The following APBB1IP variants were observed in gnomAD, a reference collection of about 807,000 sequenced individuals.
APBB1IP encodes the protein amyloid beta precursor protein binding family B member 1 interacting protein, also known as amyloid beta A4 precursor protein-binding family B member 1-interacting protein.
Under a neutral mutation model 64.9 loss-of-function variants are expected in APBB1IP, and 27 were observed. The observed-to-expected ratio is 0.42, with a 90% CI of 0.31 to 0.57. APBB1IP has a LOEUF of 0.57. APBB1IP is among the 20% of genes least tolerant of loss of function. The pLI, the probability that APBB1IP is intolerant of heterozygous loss-of-function variation, is 0.20. For missense variants in APBB1IP, 812 were observed against 845.5 expected (o/e 0.96, Z 0.49); for synonymous variants, 392 against 331.0 (o/e 1.18, Z -2.00).
At chr10:26,476,383 G>A (rs1367915725) in intron 2 of APBB1IP, among the ~76,000 whole-genome samples, 1 of 142,576 alleles carries the variant, frequency 7.0e-6, no homozygotes, top group Non-Finnish European at 1.5e-5. Flanking sequence ...GGAGTTCAAG[G>A]CTGCAGTGAG....
intron 9 of APBB1IP, among the ~76,000 whole-genome samples, chr10:26,534,169 C>T (rs1836590003): frequency 6.6e-6 from 1 of 151,610 alleles, no homozygotes; most frequent in African/African-American, 2.4e-5. Context: ...TGTTAAAAAT[C>T]AAGGCTCTGA....
At chr10:26,535,088 A>T (rs1005768797) in intron 9 of APBB1IP, among the ~76,000 whole-genome samples, 1 of 152,128 alleles carries the variant, frequency 6.6e-6, no homozygotes, top group Non-Finnish European at 1.5e-5. Context: ...TGACTATTTG[A>T]ATTGTAAAAT....
At chr10:26,467,010 C>T (rs1004842664) in intron 2 of APBB1IP, among the ~76,000 whole-genome samples, 2 of 151,720 alleles carry the variant, frequency 1.3e-5, no homozygotes, top group Non-Finnish European at 2.9e-5. Context: ...TAATACATAG[C>T]TTAACACCAG....
chr10:26,547,184 T>C (rs185301388), intron 11 of APBB1IP, among the ~76,000 whole-genome samples: 3 of 152,354 alleles, frequency 2.0e-5, no homozygotes, highest in Non-Finnish European at 4.4e-5. Context: ...ATTGGCCCTG[T>C]GTATGTCTTC....
At chr10:26,560,320 A>G in intron 12 of APBB1IP, 117 bp downstream of exon 12, 1 of 933,944 alleles carries the variant, frequency 1.1e-6, no homozygotes, top group East Asian at 2.4e-5. Flanking sequence ...AGCCACAGAC[A>G]TTATCAGGTT....
chr10:26,510,229 A>C (rs1836235520), intron 6 of APBB1IP, among the ~76,000 whole-genome samples: 1 of 152,156 alleles, frequency 6.6e-6, no homozygotes, highest in South Asian at 2.1e-4. Flanking sequence ...CGGCCTCCCA[A>C]AGTGCTGGGA....
At chr10:26,534,224 G>A (rs1836590870) in intron 9 of APBB1IP, among the ~76,000 whole-genome samples, 1 of 147,520 alleles carries the variant, frequency 6.8e-6, no homozygotes, top group African/African-American at 2.5e-5. Flanking sequence ...TACTCAGGAA[G>A]CTGAGGTGGG....
intron 2 of APBB1IP, among the ~76,000 whole-genome samples, chr10:26,477,111 T>C (rs529032163): frequency 6.6e-6 from 1 of 152,274 alleles, no homozygotes; most frequent in East Asian, 1.9e-4. Context: ...CTACTTTTCT[T>C]CCCAGACCAG....
In APBB1IP at chr10:26,567,488, G is replaced by A. The variant is rs2132490038; in HGVS notation, c.2001G>A (p.Ter667=). The part of the protein sequence containing the change: ...ALQKKRGNVS[*] The stretch of plus-strand genomic sequence containing the variant: ...AAAAGAAGAGAGGCAACGTGTCCTA[G>A]GGACGGGCATGATGAGTGTTCCAGA... The change falls in exon 15 of 15, where the codon TAG becomes TAA. Residue 667 remains the stop codon, a stop_retained_variant. Transcript: ENST00000376236. The A allele has an allele frequency of 1.3e-6, 2 of 1,568,538 alleles. No homozygotes were observed. The highest frequency in any genetic ancestry group is 2.4e-5 in the East Asian group (1 of 41,852).
rs746487177 is a variant in APBB1IP, at chr10:26,560,906, A to G, written c.1369+62A>G. 212 of 1,240,658 alleles carry G rather than the reference A, an allele frequency of 1.7e-4. 1 individual carries two copies. The highest frequency in any genetic ancestry group is 4.0e-4 in the Middle Eastern group (2 of 5,040). The allele number at this position is 1,240,658 out of a possible 1,614,324, so 76.9% of individuals were successfully genotyped here. On this transcript the variant is annotated intron_variant, in intron 13 of 14. Transcript: ENST00000376236. The stretch of plus-strand genomic sequence containing the variant: ...AGCTTGGTGCTCCAGTTCAAAATGT[A>G]TCCAATACATCTATACAAACAGGAC...
chr10:26,557,423 C>A (rs150510732), intron 11 of APBB1IP, among the ~76,000 whole-genome samples: 1,584 of 152,244 alleles, frequency 0.01, 16 homozygotes, highest in Middle Eastern at 0.017. Flanking sequence ...GGCCGAGTGA[C>A]CTACATAGAG....
intron 2 of APBB1IP, among the ~76,000 whole-genome samples, chr10:26,460,948 A>G (rs574738706): frequency 6.6e-6 from 1 of 152,292 alleles, no homozygotes; most frequent in Non-Finnish European, 1.5e-5. Context: ...CTTTCACTTC[A>G]TGTTGCTAAT....
chr10:26,535,048 G>C (rs1243324743), intron 9 of APBB1IP, among the ~76,000 whole-genome samples: 1 of 152,028 alleles, frequency 6.6e-6, no homozygotes, highest in Non-Finnish European at 1.5e-5. Context: ...AGGATGTTGA[G>C]AGTTATAAAA....
At chr10:26,490,397 G>A (rs1171156625) in intron 2 of APBB1IP, among the ~76,000 whole-genome samples, 3 of 152,092 alleles carry the variant, frequency 2.0e-5, no homozygotes, top group Non-Finnish European at 4.4e-5. Context: ...AGCAGAGGCG[G>A]GCGGATCACC....
chr10:26,502,839 G>A (rs575022027), intron 5 of APBB1IP, among the ~76,000 whole-genome samples: 3 of 152,180 alleles, frequency 2.0e-5, no homozygotes, highest in South Asian at 2.1e-4. Flanking sequence ...TGAGCCAAGC[G>A]GATTTTTCTG....
In APBB1IP at chr10:26,560,841, A is replaced by G; in HGVS notation, c.1366A>G (p.Thr456Ala). 2 of 1,588,362 alleles carry G rather than the reference A, an allele frequency of 1.3e-6. No individual in the cohort carries two copies. Among genetic ancestry groups the G allele is most frequent in the Non-Finnish European group, 1.7e-6 (2 of 1,169,102 alleles). The stretch of plus-strand genomic sequence containing the variant: ...TGCAGCTGCACCAGCTCAGCCATCT[A>G]CAGGTACTAAGTGGAGGAGAAATTC... Reference protein sequence around the residue: ...VNAAAPAQPSTGPKTGTTQPN... With the variant: ...VNAAAPAQPSAGPKTGTTQPN... The change falls in exon 13 of 15, where the codon ACA becomes GCA. Residue 456 changes from threonine (T) to alanine (A), a missense_variant. Around this residue, in one of 3 missense-constraint regions of APBB1IP, gnomAD observed 381 missense variants for 352.1 expected, o/e 1.08. Transcript: ENST00000376236.
At chr10:26,476,670 AGTACAGTAAAT>A (rs1588577019) in intron 2 of APBB1IP, among the ~76,000 whole-genome samples, 1 of 152,202 alleles carries the variant, frequency 6.6e-6, no homozygotes, top group Admixed American at 6.5e-5. Context: ...CATGTATCAC[AGTACAGTAAAT>A]GTACAGTAAA....
At chr10:26,455,569 C>T (rs1236086425) in intron 2 of APBB1IP, among the ~76,000 whole-genome samples, 9 of 151,794 alleles carry the variant, frequency 5.9e-5, no homozygotes, top group Non-Finnish European at 1.3e-4. Context: ...GGGATGCTCA[C>T]GTTAACTTAG....
chr10:26,456,079 T>C (rs1835521417), intron 2 of APBB1IP, among the ~76,000 whole-genome samples: 1 of 152,282 alleles, frequency 6.6e-6, no homozygotes, highest in East Asian at 1.9e-4. Context: ...AGAATAATGA[T>C]TGCTAAGGGA....
Sources: gnomAD v4.1 joint callset for allele counts (sites outside exome capture counted in the v4.1 genomes callset) on GRCh38, gnomAD v4.1.1 for gene constraint, gnomAD v4.1.1 regional missense constraint, MANE v1.5 for transcripts, NCBI Gene and HGNC (gene_info 2026-07-23, HGNC 2026-07-21) for gene names.